KALRN: variants seen among roughly 807,000 people sequenced by gnomAD.
KALRN encodes kalirin RhoGEF kinase.
A neutral mutation model predicts 353.7 loss-of-function variants in KALRN; 70 were observed. The ratio of observed to expected loss-of-function variants is 0.20; its 90% confidence interval spans 0.16 to 0.24. KALRN has a LOEUF of 0.24. KALRN is among the 10% of genes least tolerant of loss of function. The probability of loss-of-function intolerance (pLI) is 1.00; values close to 1 mark genes in which losing one functional copy is unlikely to be tolerated. For synonymous variants in KALRN, 1,391 were observed against 1,434.8 expected (o/e 0.97, Z 0.69); for missense variants, 2,791 against 3,756.7 (o/e 0.74, Z 6.72).
At position 124,724,470 on chromosome 3, in the gene KALRN, A is replaced by G. The variant is rs536924727; in HGVS notation, c.*5000A>G. 11 of 152,264 alleles carry G rather than the reference A, an allele frequency of 7.2e-5. No individual in the cohort carries two copies. The allele number at this position is 152,264 out of a possible 1,614,324, so 9.4% of individuals were successfully genotyped here. Reference sequence around the variant, plus strand: ...AACTGCACCTTGATTTTTCCTCACTATTTAAAGCCTAGGGATGATTTGATG... The same window carrying G: ...AACTGCACCTTGATTTTTCCTCACTGTTTAAAGCCTAGGGATGATTTGATG... On this transcript the variant is annotated 3_prime_UTR_variant, in exon 60 of 60. Transcript: ENST00000682506.
chr3:124,456,750 G>C (rs1443987718), intron 23 of KALRN, 22 bp downstream of exon 23: 1 of 1,557,638 alleles, frequency 6.4e-7, no homozygotes, highest in Non-Finnish European at 8.8e-7. Context: ...CTTCCGCCCA[G>C]CTAGCTGGCT....
At chr3:124,700,120 T>A (rs2062247289) in intron 56 of KALRN, 87 bp downstream of exon 56, 1 of 1,319,336 alleles carries the variant, frequency 7.6e-7, no homozygotes, top group Non-Finnish European at 1.1e-6. Context: ...CGTTGACATG[T>A]CAGGCCACCA....
Position 124,713,147 on chromosome 3 carries a change from C to G in KALRN, c.8276+12C>G, listed in dbSNP as rs778402792. On this transcript the variant is annotated intron_variant, in intron 58 of 59. Coordinates refer to ENST00000682506, the MANE Select transcript of KALRN (RefSeq NM_001388419.1). ...CTGATCTTGGAACTGTAAGTACAGA[C>G]GCCATCTCTCTAAAGTCGCCTGCAT... is the stretch of plus-strand genomic sequence containing the variant. 1 of 1,602,762 alleles carries G rather than the reference C, an allele frequency of 6.2e-7. No homozygotes were observed. Among genetic ancestry groups the G allele is most frequent in the Non-Finnish European group, 8.5e-7 (1 of 1,174,132 alleles).
chr3:124,423,168 C>A (rs1258404033), intron 15 of KALRN, among the ~76,000 whole-genome samples, 190 bp downstream of exon 15: 1 of 152,194 alleles, frequency 6.6e-6, no homozygotes, highest in African/African-American at 2.4e-5. Context: ...AACAAATAGA[C>A]CCAGTGATAC....
chr3:124,713,238 C>G, intron 58 of KALRN, 103 bp downstream of exon 58: 1 of 981,016 alleles, frequency 1.0e-6, no homozygotes, highest in South Asian at 1.7e-5. Context: ...AAGGTCCTAT[C>G]ATTTGCAAAG....
At chr3:124,702,214 A>G in intron 57 of KALRN, 98 bp downstream of exon 57, 1 of 727,392 alleles carries the variant, frequency 1.4e-6, no homozygotes, top group Admixed American at 2.3e-5. Flanking sequence ...TTTCTTTTAC[A>G]AATGCAATTC....
chr3:124,202,966 G>T (rs1560219771), intron 1 of KALRN, among the ~76,000 whole-genome samples: 2 of 152,096 alleles, frequency 1.3e-5, no homozygotes, highest in South Asian at 4.2e-4. Flanking sequence ...CTCTCCACTC[G>T]CAGCTTTCTT....
intron 1 of KALRN, among the ~76,000 whole-genome samples, chr3:124,076,757 G>A (rs757187578): frequency 6.6e-6 from 1 of 152,210 alleles, no homozygotes; most frequent in Admixed American, 6.5e-5. Flanking sequence ...GGGTGGTGGG[G>A]ACTGTGGCAA....
chr3:124,250,379 T>C lies in KALRN; in HGVS notation c.264-14119T>C, dbSNP rs995631717. ...AAGAGAATGAGGAGTGGTGATGGCA[T>C]GGTAGTAGGCCAAGCCTGGGAGAGT... On this transcript the variant is annotated intron_variant, in intron 3 of 59. Transcript: ENST00000682506. Among the ~76,000 whole-genome samples, 7 of 152,136 alleles carry C rather than the reference T, an allele frequency of 4.6e-5. No homozygotes were observed. In the South Asian group the frequency reaches 1.5e-3, roughly 32 times the overall value.
At chr3:124,505,459 A>G (rs564673896) in intron 33 of KALRN, among the ~76,000 whole-genome samples, 1 of 152,102 alleles carries the variant, frequency 6.6e-6, no homozygotes, top group African/African-American at 2.4e-5. Context: ...GTGAAACCCT[A>G]TCTCTACAAA....
intron 1 of KALRN, among the ~76,000 whole-genome samples, chr3:124,127,183 G>C (rs779124431): frequency 2.6e-5 from 4 of 152,106 alleles, no homozygotes; most frequent in Non-Finnish European, 2.9e-5. Context: ...CGACTCTATT[G>C]CTTCTCCATA....
At position 124,434,298 on chromosome 3, in the gene KALRN, T is replaced by C. The variant is rs1417564977; in HGVS notation, c.2830-9T>C. 6.2e-7 allele frequency: 1 copy of C among 1,611,666 alleles called. No individual in the cohort carries two copies. Among genetic ancestry groups the C allele is most frequent in the African/African-American group, 1.3e-5 (1 of 74,956 alleles). The stretch of plus-strand genomic sequence containing the variant: ...CCCACGGACCTTTCTCTCCTCTCCT[T>C]GTGCCCAGTCCCTCTTTCATGCCAC... On this transcript the variant is annotated splice_polypyrimidine_tract_variant and intron_variant, in intron 16 of 59. Transcript: ENST00000682506.
intron 1 of KALRN, among the ~76,000 whole-genome samples, chr3:124,188,219 C>T (rs1333262145): frequency 6.6e-6 from 1 of 152,162 alleles, no homozygotes; most frequent in African/African-American, 2.4e-5. Context: ...GGCCTCACCA[C>T]CAGAGACTCT....
chr3:124,511,375 C>T (rs2065885396), intron 33 of KALRN, among the ~76,000 whole-genome samples: 1 of 152,122 alleles, frequency 6.6e-6, no homozygotes, highest in African/African-American at 2.4e-5. Context: ...CATCATATAC[C>T]ACATCCTTGA....
At chr3:124,058,878 A>C (rs1325791643) in intron 1 of KALRN, among the ~76,000 whole-genome samples, 1 of 152,208 alleles carries the variant, frequency 6.6e-6, no homozygotes, top group African/African-American at 2.4e-5. Flanking sequence ...TTATTTCTAT[A>C]CTGTAAGCAT....
chr3:124,699,666 C>T (rs1468256242), intron 55 of KALRN, among the ~76,000 whole-genome samples: 4 of 152,222 alleles, frequency 2.6e-5, no homozygotes, highest in African/African-American at 4.8e-5. Context: ...GCTTCTTCCA[C>T]GCCTCTCACC....
chr3:124,244,873 A>G (rs1010301268), intron 3 of KALRN, among the ~76,000 whole-genome samples: 3 of 152,132 alleles, frequency 2.0e-5, no homozygotes, highest in African/African-American at 7.2e-5. Flanking sequence ...AAAAATTGAT[A>G]CATAATGTAC....
intron 51 of KALRN, among the ~76,000 whole-genome samples, chr3:124,686,273 T>C (rs1448424369): frequency 1.3e-5 from 2 of 152,232 alleles, no homozygotes; most frequent in East Asian, 1.9e-4. Context: ...CAGTCTTTCC[T>C]GTGTAACTGG....
At chr3:124,516,091 C>G (rs778056431) in intron 33 of KALRN, among the ~76,000 whole-genome samples, 2 of 152,110 alleles carry the variant, frequency 1.3e-5, no homozygotes, top group Non-Finnish European at 2.9e-5. Flanking sequence ...TCTTTAACCC[C>G]CAATGGATAT....
Sources: gnomAD v4.1 joint callset for allele counts (sites outside exome capture counted in the v4.1 genomes callset) on GRCh38, gnomAD v4.1.1 for gene constraint, MANE v1.5 for transcripts, NCBI Gene and HGNC (gene_info 2026-07-23, HGNC 2026-07-21) for gene names.